CTNNA3: variants seen among roughly 807,000 people sequenced by gnomAD.
The protein encoded by CTNNA3 is catenin alpha 3.
In CTNNA3, 76 loss-of-function variants were observed where a neutral mutation model predicts 95.7. The observed-to-expected ratio is 0.79, with a 90% CI of 0.66 to 0.96. The LOEUF (loss-of-function observed/expected upper bound fraction) is 0.96, where lower values mean the gene tolerates loss of function less well. Among genes scored for constraint, CTNNA3 ranks in the 40% least tolerant of loss-of-function variants. CTNNA3 has a pLI of 0.00. For synonymous variants in CTNNA3, 431 were observed against 374.4 expected, an observed-to-expected ratio of 1.15 and a Z score of -1.74; for missense variants, 1,191 against 1,089.8, an observed-to-expected ratio of 1.09 and a Z score of -1.31.
chr10:66,018,215 C>CAT (rs201676733), intron 15 of CTNNA3, among the ~76,000 whole-genome samples: 1,532 of 151,764 alleles, frequency 0.01, 17 homozygotes, highest in African/African-American at 0.036. Flanking sequence ...CACACACACA[C>CAT]ACACTATTTT....
intron 1 of CTNNA3, among the ~76,000 whole-genome samples, chr10:67,651,555 A>C (rs1479251561): frequency 6.6e-6 from 1 of 152,224 alleles, no homozygotes; most frequent in Non-Finnish European, 1.5e-5. Context: ...CATAAAACCT[A>C]ATTTTGATAC....
intron 9 of CTNNA3, among the ~76,000 whole-genome samples, chr10:66,756,735 G>T (rs1225196535): frequency 1.3e-5 from 2 of 152,024 alleles, no homozygotes; most frequent in Non-Finnish European, 2.9e-5. Context: ...AAAGAAAGCT[G>T]GGAGGAACCC....
chr10:67,396,528 A>G (rs1450156622), intron 5 of CTNNA3, among the ~76,000 whole-genome samples: 1 of 152,200 alleles, frequency 6.6e-6, no homozygotes, highest in African/African-American at 2.4e-5. Context: ...TCAGCTGCAT[A>G]TAACTTTCAA....
intron 13 of CTNNA3, among the ~76,000 whole-genome samples, chr10:66,140,570 TTATG>T (rs756132743): frequency 3.3e-5 from 5 of 152,208 alleles, no homozygotes; most frequent in Non-Finnish European, 5.9e-5. Context: ...CCATTTGTCT[TTATG>T]TATTTGTTCT....
At chr10:66,307,975 A>G (rs2091955288) in intron 12 of CTNNA3, among the ~76,000 whole-genome samples, 1 of 152,134 alleles carries the variant, frequency 6.6e-6, no homozygotes, top group African/African-American at 2.4e-5. Context: ...CCTGGAAGAG[A>G]GGTTGACAGG....
At chr10:67,323,415 G>A (rs750751644) in intron 5 of CTNNA3, among the ~76,000 whole-genome samples, 7 of 151,926 alleles carry the variant, frequency 4.6e-5, no homozygotes, top group African/African-American at 7.2e-5. Context: ...GAAGGGGTCC[G>A]GTTTCAATCT....
chr10:66,693,371 T>C (rs200473567), intron 9 of CTNNA3, among the ~76,000 whole-genome samples: 1 of 144,088 alleles, frequency 6.9e-6, no homozygotes, highest in Non-Finnish European at 1.5e-5. Flanking sequence ...AGAAGGCCAT[T>C]ACATAATGGT....
chr10:67,383,310 G>A (rs992052238), intron 5 of CTNNA3, among the ~76,000 whole-genome samples: 7 of 152,032 alleles, frequency 4.6e-5, no homozygotes, highest in South Asian at 2.1e-4. Context: ...TACCTACCCC[G>A]TGGCAAGCAC....
intron 3 of CTNNA3, among the ~76,000 whole-genome samples, chr10:67,566,661 C>A (rs1380376528): frequency 6.6e-6 from 1 of 152,002 alleles, no homozygotes; most frequent in Non-Finnish European, 1.5e-5. Flanking sequence ...CCCAGCCATC[C>A]CATTACTGGG....
Position 67,140,095 on chromosome 10 carries a change from TA to T in CTNNA3, c.1047+40221del, listed in dbSNP as rs139602209. ...ATGCAGTAGGATTGATGGGATGTTT[TA>T]TTTCTTACCTTTGAAAACATCCCTT... On this transcript the variant is annotated intron_variant, in intron 7 of 17. Transcript: ENST00000433211. Among the ~76,000 whole-genome samples the T allele has an allele frequency of 3.0e-3, 454 of 152,342 alleles. 3 individuals carry two copies. Among genetic ancestry groups the T allele is most frequent in the African/African-American group, 0.011 (437 of 41,586 alleles).
chr10:66,164,955 GA>G (rs2085049074), intron 13 of CTNNA3, among the ~76,000 whole-genome samples: 1 of 152,010 alleles, frequency 6.6e-6, no homozygotes, highest in Non-Finnish European at 1.5e-5. Context: ...TTCAAAAAAA[GA>G]AAGAAAGGAA....
chr10:67,526,492 T>G lies in CTNNA3; in HGVS notation c.460-4531A>C, dbSNP rs146552998. ...TGAGGTCTGAGGTTCAAGTCCTTGC[T>G]ATGCCATTTAATAACTGCATCACTT... is the stretch of plus-strand genomic sequence containing the variant. On this transcript the variant is annotated intron_variant, in intron 4 of 17. Transcript: ENST00000433211. 5.3e-5 allele frequency among the ~76,000 whole-genome samples: 8 copies of G among 152,312 alleles called. No individual in the cohort carries two copies. The East Asian group carries it at 1.5e-3, about 29-fold the overall frequency.
At chr10:67,250,403 A>C (rs867010067) in intron 5 of CTNNA3, among the ~76,000 whole-genome samples, 1 of 151,860 alleles carries the variant, frequency 6.6e-6, no homozygotes, top group Non-Finnish European at 1.5e-5. Context: ...TTTTAGTAGA[A>C]ATGGGGTTTC....
chr10:65,945,149 T>TGA (rs2077496609), intron 17 of CTNNA3, among the ~76,000 whole-genome samples: 1 of 144,344 alleles, frequency 6.9e-6, no homozygotes, highest in African/African-American at 2.8e-5. Context: ...TAAATGTGTG[T>TGA]GTGTGTGTGT....
chr10:67,750,958 C>T, intron 1 of CTNNA3: 1 of 1,603,760 alleles, frequency 6.2e-7, no homozygotes. Flanking sequence ...GCCAGAGGAC[C>T]CTTCCCTGCT....
chr10:66,251,806 C>T (rs1468809812), intron 13 of CTNNA3, among the ~76,000 whole-genome samples: 1 of 152,068 alleles, frequency 6.6e-6, no homozygotes, highest in Non-Finnish European at 1.5e-5. Flanking sequence ...TTAATTTGTG[C>T]CAGGGTTCCA....
At chr10:65,991,672 A>G (rs1296173237) in intron 15 of CTNNA3, among the ~76,000 whole-genome samples, 1 of 151,854 alleles carries the variant, frequency 6.6e-6, no homozygotes, top group Non-Finnish European at 1.5e-5. Context: ...GTTTTTCTTA[A>G]TATAAGATAA....
At chr10:67,698,249 A>AAG (rs60418784), upstream of CTNNA3, among the ~76,000 whole-genome samples, 8 of 151,560 alleles carry the variant, frequency 5.3e-5, no homozygotes, top group African/African-American at 1.5e-4. Flanking sequence ...GGAAAAAAAA[A>AAG]AGAGAGAAAA....
chr10:66,111,777 G>A lies in CTNNA3; in HGVS notation c.1885-8528C>T, dbSNP rs531953415. ...AAACTGGGAAGATATTTCTTATATC[G>A]CCAGAAAGCTGGTAGGCTTGTGTTA... On this transcript the variant is annotated intron_variant, in intron 13 of 17. Coordinates refer to ENST00000433211, the MANE Select transcript of CTNNA3 (RefSeq NM_013266.4). Among the ~76,000 whole-genome samples the A allele has an allele frequency of 2.6e-5, 4 of 152,180 alleles. No individual in the cohort carries two copies. In the South Asian group the frequency reaches 6.2e-4, roughly 24 times the overall value.
Sources: allele counts gnomAD v4.1 joint callset (sites outside exome capture counted in the v4.1 genomes callset), GRCh38; gene constraint gnomAD v4.1.1; transcripts MANE v1.5; gene names NCBI Gene and HGNC (gene_info 2026-07-23, HGNC 2026-07-21).